The following CLEC19A variants were observed in gnomAD, a reference collection of about 807,000 sequenced individuals.
The protein encoded by CLEC19A is C-type lectin domain family 19 member A.
In CLEC19A, 21 loss-of-function variants were observed where a neutral mutation model predicts 26.1. The observed-to-expected ratio is 0.80, with a 90% CI of 0.57 to 1.16. The LOEUF (loss-of-function observed/expected upper bound fraction) is 1.16, where lower values mean the gene tolerates loss of function less well. Among genes scored for constraint, CLEC19A ranks in the 50% most tolerant of loss-of-function variants. The probability of loss-of-function intolerance (pLI) is 0.00; values close to 1 mark genes in which losing one functional copy is unlikely to be tolerated. For missense variants in CLEC19A, 224 were observed against 227.6 expected, an observed-to-expected ratio of 0.98 and a Z score of 0.10; for synonymous variants, 89 against 88.6, an observed-to-expected ratio of 1.00 and a Z score of -0.03.
chr16:19,303,833 A>G (rs1897886694), intron 2 of CLEC19A: 1 of 419,380 alleles, frequency 2.4e-6, no homozygotes. Context: ...ATTTTTAGGG[A>G]TGAGTAGCAG....
intron 2 of CLEC19A, among the ~76,000 whole-genome samples, chr16:19,302,613 G>A (rs1294746167): frequency 6.6e-6 from 1 of 152,218 alleles, no homozygotes; most frequent in Admixed American, 6.5e-5. Context: ...TTAGTGCCAT[G>A]TGGAAGCCAA....
chr16:19,289,604 G>A (rs1447783888), intron 1 of CLEC19A, among the ~76,000 whole-genome samples: 1 of 152,168 alleles, frequency 6.6e-6, no homozygotes, highest in Non-Finnish European at 1.5e-5. Flanking sequence ...TCTGTAAAAT[G>A]GGGATGATAC....
chr16:19,292,507 C>T (rs982267860), intron 1 of CLEC19A, among the ~76,000 whole-genome samples: 2 of 152,170 alleles, frequency 1.3e-5, no homozygotes, highest in African/African-American at 4.8e-5. Context: ...CAAGAGGCTG[C>T]CCTCAAGAAG....
intron 1 of CLEC19A, among the ~76,000 whole-genome samples, chr16:19,297,698 A>G (rs1375800941): frequency 6.6e-6 from 1 of 152,176 alleles, no homozygotes; most frequent in Non-Finnish European, 1.5e-5. Context: ...AAATGCTTAT[A>G]CTCTTTAATT....
chr16:19,299,822 C>T (rs1173029211), intron 2 of CLEC19A, among the ~76,000 whole-genome samples: 1 of 152,202 alleles, frequency 6.6e-6, no homozygotes, highest in East Asian at 1.9e-4. Context: ...GTTCCATTGG[C>T]ACCCAAGCTA....
chr16:19,299,894 G>A (rs1321204787), intron 2 of CLEC19A, among the ~76,000 whole-genome samples: 1 of 152,178 alleles, frequency 6.6e-6, no homozygotes, highest in Admixed American at 6.5e-5. Context: ...AAGGGGGTTG[G>A]TTTTTTATGT....
intron 1 of CLEC19A, among the ~76,000 whole-genome samples, chr16:19,295,271 G>A (rs760414053): frequency 2.0e-5 from 3 of 152,046 alleles, no homozygotes; most frequent in African/African-American, 2.4e-5. Context: ...GTGCAGTGGC[G>A]TGATCATGGC....
intron 1 of CLEC19A, among the ~76,000 whole-genome samples, chr16:19,290,059 C>A (rs1171374512): frequency 6.6e-6 from 1 of 151,676 alleles, no homozygotes; most frequent in African/African-American, 2.4e-5. Context: ...CATTTGTGGG[C>A]GGCTGGATTG....
chr16:19,296,240 T>C (rs990461461), intron 1 of CLEC19A, among the ~76,000 whole-genome samples: 36 of 152,236 alleles, frequency 2.4e-4, no homozygotes, highest in Non-Finnish European at 7.3e-5. Context: ...CCAGTGGTAC[T>C]GACCAGCCCT....
At position 19,304,103 on chromosome 16, in the gene CLEC19A, G is replaced by A; in HGVS notation, c.296G>A (p.Cys99Tyr). 6.4e-7 allele frequency: 1 copy of A among 1,550,598 alleles called. No homozygotes were observed. Residue 99 changes from cysteine to tyrosine, a missense_variant, in exon 3 of 5, where the codon TGT (cysteine) becomes TAT (tyrosine). By Grantham distance (194) the Cys-to-Tyr change is radical (BLOSUM62 -2). Transcript: ENST00000636231. The part of the protein sequence containing the change: ...NVFVYDLVNS[C>Y]VPGIPADVWT... ...TTTGTATATGACCTCGTGAACAGCT[G>A]TGTTCCCGGCATCCCAGCTGACGTC...
chr16:19,302,624 T>C (rs1031984096), intron 2 of CLEC19A, among the ~76,000 whole-genome samples: 3 of 152,212 alleles, frequency 2.0e-5, no homozygotes, highest in African/African-American at 7.2e-5. Flanking sequence ...TGGAAGCCAA[T>C]AGTGGGAATC....
rs1340826696 is a variant in CLEC19A, at chr16:19,304,125, C to T, written c.318C>T (p.Asp106=). The change falls in exon 3 of 5, where the codon GAC becomes GAT. Residue 106 remains aspartate, a synonymous_variant. Transcript: ENST00000636231. ...GCTGTGTTCCCGGCATCCCAGCTGA[C>T]GTCTGGACAGGCCTTCATGATCACA... ...VNSCVPGIPA[D]VWTGLHDHRQ... is the part of the protein sequence containing the mutation. The T allele has an allele frequency of 2.6e-5, 40 of 1,550,476 alleles. No homozygotes were observed. The highest frequency in any genetic ancestry group is 3.3e-4 in the Middle Eastern group (2 of 6,014).
intron 2 of CLEC19A, 23 bp from the exon 3 acceptor site, chr16:19,304,039 T>C (rs1897892214): frequency 1.3e-6 from 2 of 1,533,884 alleles, no homozygotes; most frequent in Non-Finnish European, 1.8e-6. Flanking sequence ...AGGAATCAGC[T>C]ACTATTATTC....
chr16:19,292,675 A>G (rs570173457), intron 1 of CLEC19A, among the ~76,000 whole-genome samples: 4 of 152,314 alleles, frequency 2.6e-5, no homozygotes, highest in African/African-American at 9.6e-5. Flanking sequence ...CTCTAAAAGC[A>G]TTTATCAGAG....
rs769737750 is a variant in CLEC19A, at chr16:19,290,826, CCTTT to C, written c.88+4888_88+4891del. Among the ~76,000 whole-genome samples, 7 of 151,864 alleles carry C rather than the reference CCTTT, an allele frequency of 4.6e-5. No individual in the cohort carries two copies. The East Asian group carries it at 5.8e-4, about 13-fold the overall frequency. On this transcript the variant is annotated intron_variant, in intron 1 of 4. Transcript: ENST00000636231. ...TGCTAATGACATCTTTATTTTTGCT[CCTTT>C]TTCTTTTTCTTTCTTTCTTTTTTTT...
intron 1 of CLEC19A, among the ~76,000 whole-genome samples, chr16:19,293,401 G>C (rs563863395): frequency 6.6e-6 from 1 of 152,256 alleles, no homozygotes; most frequent in East Asian, 1.9e-4. Flanking sequence ...AGGGGAAACT[G>C]GGTGAACGGT....
At chr16:19,300,841 C>G (rs1897804023) in intron 2 of CLEC19A, among the ~76,000 whole-genome samples, 1 of 152,158 alleles carries the variant, frequency 6.6e-6, no homozygotes, top group South Asian at 2.1e-4. Context: ...GAGGACAGGC[C>G]AGTCCTATGG....
At chr16:19,287,339 T>C (rs1171584933) in intron 1 of CLEC19A, among the ~76,000 whole-genome samples, 1 of 152,120 alleles carries the variant, frequency 6.6e-6, no homozygotes, top group African/African-American at 2.4e-5. Flanking sequence ...CTCTTCCTCT[T>C]ATAAGCACAC....
In CLEC19A at chr16:19,309,207, T is replaced by A; in HGVS notation, c.*124T>A. 1 of 726,570 alleles carries A rather than the reference T, an allele frequency of 1.4e-6. No individual in the cohort carries two copies. The highest frequency in any genetic ancestry group is 2.3e-6 in the Non-Finnish European group (1 of 444,184). The allele number at this position is 726,570 out of a possible 1,614,324, so 45.0% of individuals were successfully genotyped here. A position where few individuals can be genotyped will look rare whatever the true frequency, so the allele number is the denominator to read the frequency against. On this transcript the variant is annotated 3_prime_UTR_variant, in exon 5 of 5. Transcript: ENST00000636231. The stretch of plus-strand genomic sequence containing the variant: ...AAGTAAATCTCTTGGACAGAGATTT[T>A]AAACAAGCAGATCTTAATTATACAG...
Sources: gnomAD v4.1 joint callset for allele counts (sites outside exome capture counted in the v4.1 genomes callset) on GRCh38, gnomAD v4.1.1 for gene constraint, MANE v1.5 for transcripts, NCBI Gene and HGNC (gene_info 2026-07-23, HGNC 2026-07-21) for gene names.